Variants in MYO16 observed in about 807,000 individuals in gnomAD.
MYO16 encodes myosin XVI, also known as unconventional myosin-XVI.
Under a neutral mutation model 205.3 loss-of-function variants are expected in MYO16, and 94 were observed. The ratio of observed to expected loss-of-function variants is 0.46; its 90% CI spans 0.39 to 0.54. MYO16 has a LOEUF of 0.54. Ranked by LOEUF, MYO16 falls within the 20% of genes least tolerant of loss-of-function variation. The pLI is 0.00. For synonymous variants in MYO16, 988 were observed against 954.0 expected, an observed-to-expected ratio of 1.04 and a Z score of -0.66; for missense variants, 2,315 against 2,387.5, an observed-to-expected ratio of 0.97 and a Z score of 0.63.
chr13:109,185,749 C>T (rs1400807889), intron 34 of MYO16, among the ~76,000 whole-genome samples: 1 of 152,148 alleles, frequency 6.6e-6, no homozygotes, highest in Non-Finnish European at 1.5e-5. Flanking sequence ...GCCTACCACA[C>T]CAGAAGTGAA....
chr13:108,712,823 C>G, intron 3 of MYO16, 92 bp downstream of exon 3: 1 of 894,086 alleles, frequency 1.1e-6, no homozygotes, highest in South Asian at 1.9e-5. Context: ...GTACATCTCA[C>G]AGATGATGAT....
chr13:108,594,669 A>G (rs1317779017), upstream of MYO16, among the ~76,000 whole-genome samples: 1 of 152,214 alleles, frequency 6.6e-6, no homozygotes, highest in East Asian at 1.9e-4. Flanking sequence ...ACATCCTGGA[A>G]GCACTATGCA....
the MYO16 span, among the ~76,000 whole-genome samples, chr13:108,531,275 T>G: frequency 6.6e-6 from 1 of 152,230 alleles, no homozygotes; most frequent in African/African-American, 2.4e-5. Context: ...TGAAGGGTTT[T>G]ACACATAAGA....
intron 2 of MYO16, among the ~76,000 whole-genome samples, chr13:108,685,929 C>G (rs1882659211): frequency 6.6e-6 from 1 of 152,172 alleles, no homozygotes; most frequent in South Asian, 2.1e-4. Context: ...CCCTAATGAC[C>G]TCAGTGAATT....
chr13:108,858,700 C>T (rs374181153), intron 11 of MYO16, among the ~76,000 whole-genome samples: 13 of 152,170 alleles, frequency 8.5e-5, no homozygotes, highest in Admixed American at 6.5e-4. Context: ...TGTCTATTCT[C>T]AACACAAAAA....
chr13:108,923,833 G>A (rs893937164), intron 16 of MYO16, among the ~76,000 whole-genome samples: 4 of 152,152 alleles, frequency 2.6e-5, no homozygotes, highest in African/African-American at 4.8e-5. Context: ...ACAAGCATAC[G>A]TAGATTTTGC....
chr13:108,505,741 C>T, the MYO16 span, among the ~76,000 whole-genome samples: 1 of 152,040 alleles, frequency 6.6e-6, no homozygotes, highest in Non-Finnish European at 1.5e-5. Flanking sequence ...AAATCATTGC[C>T]AAATCAAAGT....
At chr13:108,943,818 C>T (rs1036380776) in intron 16 of MYO16, among the ~76,000 whole-genome samples, 6 of 152,118 alleles carry the variant, frequency 3.9e-5, no homozygotes, top group African/African-American at 1.2e-4. Flanking sequence ...ATCTCCTGAC[C>T]TCGTGATCCG....
the MYO16 span, among the ~76,000 whole-genome samples, chr13:108,544,068 A>G: frequency 1.4e-5 from 2 of 144,680 alleles, no homozygotes; most frequent in Non-Finnish European, 3.0e-5. Context: ...TCCGTCTCCA[A>G]AAAAAAAAAA....
chr13:108,531,183 G>A, the MYO16 span, among the ~76,000 whole-genome samples: 32 of 152,208 alleles, frequency 2.1e-4, no homozygotes. Flanking sequence ...GGTTGGCAAA[G>A]TTAGTCCGAG....
chr13:108,923,051 C>T (rs1004336356), intron 16 of MYO16, among the ~76,000 whole-genome samples: 2 of 152,160 alleles, frequency 1.3e-5, no homozygotes, highest in East Asian at 1.9e-4. Context: ...GCTTCTCTTA[C>T]GCACTTCACA....
intron 28 of MYO16, among the ~76,000 whole-genome samples, chr13:109,113,489 A>G (rs1243663399): frequency 6.6e-6 from 1 of 152,192 alleles, no homozygotes; most frequent in East Asian, 1.9e-4. Context: ...AAGGAACATA[A>G]TGAGATTGAT....
the MYO16 span, among the ~76,000 whole-genome samples, chr13:108,505,881 G>A: frequency 3.9e-5 from 6 of 152,036 alleles, no homozygotes; most frequent in African/African-American, 9.7e-5. Context: ...TCTTGCAAGT[G>A]GATATCTAGT....
chr13:108,959,723 C>G (rs1225117927), intron 17 of MYO16, among the ~76,000 whole-genome samples: 1 of 152,146 alleles, frequency 6.6e-6, no homozygotes, highest in Non-Finnish European at 1.5e-5. Context: ...CTCCAGCTCT[C>G]CCGTCTAGCC....
intron 20 of MYO16, among the ~76,000 whole-genome samples, chr13:108,976,285 G>T (rs1884252997): frequency 6.6e-6 from 1 of 152,084 alleles, no homozygotes; most frequent in Admixed American, 6.5e-5. Context: ...TCTCTGATGT[G>T]ATGTATGTTT....
chr13:108,985,714 C>T (rs986798773), intron 20 of MYO16, among the ~76,000 whole-genome samples: 1 of 152,184 alleles, frequency 6.6e-6, no homozygotes, highest in African/African-American at 2.4e-5. Flanking sequence ...TAGCCAGAGC[C>T]AACCGTAATA....
At chr13:108,727,656 A>G (rs938995750) in intron 4 of MYO16, 73 bp downstream of exon 4, 3 of 1,488,672 alleles carry the variant, frequency 2.0e-6, no homozygotes, top group African/African-American at 1.4e-5. Flanking sequence ...AACTAATGCT[A>G]TTTTACAATA....
intron 1 of MYO16, among the ~76,000 whole-genome samples, chr13:108,646,395 A>G (rs867521085): frequency 1.3e-5 from 2 of 152,224 alleles, no homozygotes; most frequent in African/African-American, 2.4e-5. Context: ...AAACTCAGCT[A>G]TGAAATTGTT....
At chr13:108,988,948 A>G (rs930859749) in intron 20 of MYO16, among the ~76,000 whole-genome samples, 4 of 152,010 alleles carry the variant, frequency 2.6e-5, no homozygotes, top group Non-Finnish European at 5.9e-5. Context: ...ATCTCTTACC[A>G]CTGGCAAAAC....
Sources: allele counts gnomAD v4.1 joint callset (sites outside exome capture counted in the v4.1 genomes callset), GRCh38; gene constraint gnomAD v4.1.1; transcripts MANE v1.5; gene names NCBI Gene and HGNC (gene_info 2026-07-23, HGNC 2026-07-21).